The following MKLN1 variants were observed in gnomAD, a reference collection of about 807,000 sequenced individuals.
MKLN1 encodes muskelin.
Under a neutral mutation model 99.0 loss-of-function variants are expected in MKLN1, and 18 were observed. The observed-to-expected ratio is 0.18, with a 90% CI of 0.13 to 0.27. MKLN1 has a LOEUF of 0.27. Among genes scored for constraint, MKLN1 ranks in the 10% least tolerant of loss-of-function variants. MKLN1 has a pLI of 1.00. For synonymous variants in MKLN1, 288 were observed against 293.2 expected, an observed-to-expected ratio of 0.98 and a Z score of 0.18; for missense variants, 621 against 875.9, an observed-to-expected ratio of 0.71 and a Z score of 3.67.
chr7:131,412,738 A>C (rs1356104656), intron 7 of MKLN1, among the ~76,000 whole-genome samples: 1 of 152,184 alleles, frequency 6.6e-6, no homozygotes, highest in East Asian at 1.9e-4. Context: ...AAAGTGTAGC[A>C]ATTTCTTAAT....
At chr7:131,467,091 C>T (rs1796686932) in intron 15 of MKLN1, among the ~76,000 whole-genome samples, 2 of 152,266 alleles carry the variant, frequency 1.3e-5, no homozygotes, top group South Asian at 2.1e-4. Flanking sequence ...GTGGCTCATG[C>T]TTATAATCCC....
At chr7:131,124,886 T>C in intron 1 of MKLN1, among the ~76,000 whole-genome samples, 1 of 152,180 alleles carries the variant, frequency 6.6e-6, no homozygotes, top group East Asian at 1.9e-4. Context: ...AGATAACCCA[T>C]TGCTAGGGTA....
At chr7:131,260,070 G>A (rs1173414645) in intron 3 of MKLN1, among the ~76,000 whole-genome samples, 1 of 151,850 alleles carries the variant, frequency 6.6e-6, no homozygotes, top group East Asian at 1.9e-4. Flanking sequence ...TTAAGAGACG[G>A]GGTCTTACTG....
At chr7:131,329,054 A>G (rs1328133877) in intron 1 of MKLN1, among the ~76,000 whole-genome samples, 1 of 152,236 alleles carries the variant, frequency 6.6e-6, no homozygotes, top group Non-Finnish European at 1.5e-5. Context: ...TTTATGAACG[A>G]AACAAATTAA....
At chr7:131,175,215 GGATA>G (rs1227633923) in intron 2 of MKLN1, among the ~76,000 whole-genome samples, 1 of 151,578 alleles carries the variant, frequency 6.6e-6, no homozygotes, top group East Asian at 1.9e-4. Context: ...TAGAATGGAT[GGATA>G]GAGAGAGAGA....
chr7:131,446,157 G>GTT (rs1796009854), intron 12 of MKLN1, among the ~76,000 whole-genome samples: 2 of 151,996 alleles, frequency 1.3e-5, no homozygotes, highest in South Asian at 4.2e-4. Context: ...TGGGGGGCGG[G>GTT]GTAGGAAGAA....
chr7:131,127,034 G>T (rs1028821019), intron 1 of MKLN1, among the ~76,000 whole-genome samples: 2 of 152,034 alleles, frequency 1.3e-5, no homozygotes, highest in African/African-American at 4.8e-5. Flanking sequence ...GTGTGGTGGT[G>T]CATGCCTGTA....
intron 3 of MKLN1, among the ~76,000 whole-genome samples, chr7:131,221,525 A>T (rs1343570484): frequency 8.2e-6 from 1 of 122,096 alleles, no homozygotes; most frequent in Non-Finnish European, 1.8e-5. Flanking sequence ...TTTTTTTTTT[A>T]AAGACCGAAG....
At chr7:131,166,240 G>GT (rs1488812798) in intron 2 of MKLN1, among the ~76,000 whole-genome samples, 1 of 152,168 alleles carries the variant, frequency 6.6e-6, no homozygotes, top group Non-Finnish European at 1.5e-5. Context: ...GATTACTATG[G>GT]TTTTGAGCAT....
chr7:131,133,410 A>G (rs886613319), intron 1 of MKLN1, among the ~76,000 whole-genome samples: 3 of 123,784 alleles, frequency 2.4e-5, no homozygotes, highest in Admixed American at 1.1e-4. Context: ...GCTGGAGTGC[A>G]GTGGCGTGAT....
At chr7:131,378,814 A>AGT in intron 2 of MKLN1, among the ~76,000 whole-genome samples, 1 of 151,872 alleles carries the variant, frequency 6.6e-6, no homozygotes, top group Middle Eastern at 3.4e-3. Context: ...TGGGTGACAG[A>AGT]GTGAGAGACT....
chr7:131,214,636 C>T (rs1266020283), intron 3 of MKLN1, among the ~76,000 whole-genome samples: 2 of 152,180 alleles, frequency 1.3e-5, no homozygotes, highest in African/African-American at 4.8e-5. Context: ...TAATAAACCT[C>T]TTATTGCTTA....
At chr7:131,282,364 A>G (rs1448361078) in intron 3 of MKLN1, among the ~76,000 whole-genome samples, 1 of 151,816 alleles carries the variant, frequency 6.6e-6, no homozygotes, top group Non-Finnish European at 1.5e-5. Flanking sequence ...AAAAAAAAAA[A>G]AAAAAGAAAG....
chr7:131,458,393 A>G (rs1796412218), intron 12 of MKLN1, among the ~76,000 whole-genome samples: 1 of 152,244 alleles, frequency 6.6e-6, no homozygotes, highest in African/African-American at 2.4e-5. Context: ...TATGTGATAA[A>G]TGATGATCAA....
At chr7:131,358,404 TATTTGTATACATTTTTAA>T (rs1799940933) in intron 1 of MKLN1, among the ~76,000 whole-genome samples, 1 of 152,218 alleles carries the variant, frequency 6.6e-6, no homozygotes, top group Non-Finnish European at 1.5e-5. Flanking sequence ...GGTGTGTAAT[TATTTGTATACATTTTTAA>T]ATTTGATTTG....
chr7:131,144,635 G>T (rs1795790982), intron 2 of MKLN1, among the ~76,000 whole-genome samples: 1 of 151,478 alleles, frequency 6.6e-6, no homozygotes, highest in Admixed American at 6.6e-5. Flanking sequence ...GTACATTTTT[G>T]AGCCACCACA....
chr7:131,437,927 C>A lies in MKLN1; in HGVS notation c.1103C>A (p.Thr368Lys). Residue 368 changes from threonine (T) to lysine (K), a missense_variant, in exon 10 of 18, where the codon ACA (threonine) becomes AAA (lysine). Physicochemically the swap from Thr to Lys is moderately conservative, Grantham distance 78. This residue lies in a region of MKLN1 where 361 missense variants were observed against 540.8 expected (regional missense o/e 0.67). Transcript: ENST00000352689. ...KSDFYRYDID[T>K]NTWMLLSEDT... ...GACTTCTATCGTTATGACATTGATA[C>A]AAACACATGGATGTTACTAAGTGAG... The A allele has an allele frequency of 6.2e-7, 1 of 1,613,886 alleles. No homozygotes were observed. Among genetic ancestry groups the A allele is most frequent in the Non-Finnish European group, 8.5e-7 (1 of 1,179,868 alleles).
chr7:131,416,718 G>A (rs997903195), intron 8 of MKLN1, among the ~76,000 whole-genome samples: 6 of 151,754 alleles, frequency 4.0e-5, no homozygotes, highest in Admixed American at 1.3e-4. Context: ...TGACTGTCTC[G>A]TGACTGTAGT....
chr7:131,355,496 G>T (rs1799846106), intron 1 of MKLN1, among the ~76,000 whole-genome samples: 1 of 151,348 alleles, frequency 6.6e-6, no homozygotes, highest in South Asian at 2.1e-4. Flanking sequence ...TTTCTCATAG[G>T]TTTTGCACAT....
Sources: allele counts gnomAD v4.1 joint callset (sites outside exome capture counted in the v4.1 genomes callset), GRCh38; gene constraint gnomAD v4.1.1; regional missense constraint gnomAD v4.1.1; transcripts MANE v1.5; gene names NCBI Gene and HGNC (gene_info 2026-07-23, HGNC 2026-07-21).